DOCK7: variants seen among roughly 807,000 people sequenced by gnomAD.
The protein encoded by DOCK7 is dedicator of cytokinesis protein 7.
In DOCK7, 138 loss-of-function variants were observed where a neutral mutation model predicts 271.0. The observed-to-expected ratio is 0.51, with a 90% confidence interval of 0.44 to 0.59. The LOEUF (loss-of-function observed/expected upper bound fraction) is 0.59. DOCK7 is among the 20% of genes least tolerant of loss of function. The pLI is 0.00. For synonymous variants in DOCK7, 823 were observed against 876.1 expected, an observed-to-expected ratio of 0.94 and a Z score of 1.07; for missense variants, 2,066 against 2,592.4, an observed-to-expected ratio of 0.80 and a Z score of 4.41.
chr1:62,562,911 C>A (rs139111721), intron 18 of DOCK7, among the ~76,000 whole-genome samples: 1,698 of 152,258 alleles, frequency 0.011, 39 homozygotes, highest in African/African-American at 0.039. Context: ...CCTCCCTACA[C>A]TGAATGGAGA....
chr1:62,643,644 T>C (rs548812088), intron 7 of DOCK7, among the ~76,000 whole-genome samples: 1 of 152,284 alleles, frequency 6.6e-6, no homozygotes, highest in South Asian at 2.1e-4. Flanking sequence ...ACATCCAGAA[T>C]TGAGAGTTAC....
At position 62,631,557 on chromosome 1, in the gene DOCK7, G is replaced by A. The variant is rs1048710409; in HGVS notation, c.1117-152C>T. 4 of 632,660 alleles carry A rather than the reference G, an allele frequency of 6.3e-6. No homozygotes were observed. In the East Asian group the frequency reaches 1.2e-4, roughly 19 times the overall value. 39.2% of individuals were successfully genotyped at this position (632,660 alleles called of 1,614,324 possible). A position where few individuals can be genotyped will look rare whatever the true frequency, so the allele number is the denominator to read the frequency against. ...TACCTTACAGAGATGAAGTATTAGT[G>A]CAATATCTTAACCAGTGAACAAACT... is the stretch of plus-strand genomic sequence containing the variant. On this transcript the variant is annotated intron_variant, in intron 10 of 49. Coordinates refer to ENST00000635253, the MANE Select transcript of DOCK7 (RefSeq NM_001367561.1).
chr1:62,662,502 C>T (rs1364145219), intron 2 of DOCK7, among the ~76,000 whole-genome samples: 1 of 152,160 alleles, frequency 6.6e-6, no homozygotes, highest in Non-Finnish European at 1.5e-5. Flanking sequence ...GTGGCTCACA[C>T]CTGTAATCCC....
chr1:62,633,050 T>C (rs1654817322), intron 10 of DOCK7, among the ~76,000 whole-genome samples: 1 of 152,128 alleles, frequency 6.6e-6, no homozygotes, highest in Admixed American at 6.5e-5. Flanking sequence ...TTAAAGACTA[T>C]TATATTTTTA....
In DOCK7 at chr1:62,475,348, T is replaced by A. The variant is rs1165209231; in HGVS notation, c.5965A>T (p.Ile1989Phe). ...ATAGCAACTTCAATTGGTGTTAAGA[T>A]GATCTGAGTAAAAGAGCATCTGTTA... ...RVNVTHKEEIILTPIEVAIED... is the reference protein window; with the variant it reads ...RVNVTHKEEIFLTPIEVAIED... Residue 1989 changes from isoleucine to phenylalanine, a missense_variant, in exon 47 of 50, where the codon ATC becomes TTC. Around this residue, in one of 2 missense-constraint regions of DOCK7, gnomAD observed 652 missense variants for 922.1 expected, o/e 0.71. Transcript: ENST00000635253. The A allele has an allele frequency of 6.2e-7, 1 of 1,613,722 alleles. No individual in the cohort carries two copies. The highest frequency in any genetic ancestry group is 1.3e-5 in the African/African-American group (1 of 74,898).
chr1:62,591,715 A>G (rs138342468), intron 14 of DOCK7, among the ~76,000 whole-genome samples: 11 of 152,290 alleles, frequency 7.2e-5, no homozygotes, highest in African/African-American at 2.6e-4. Context: ...GGGCATGGAC[A>G]TGACTGGCTA....
chr1:62,625,125 A>T (rs1653777474), intron 12 of DOCK7, 134 bp downstream of exon 12: 1 of 683,282 alleles, frequency 1.5e-6, no homozygotes, highest in African/African-American at 1.8e-5. Flanking sequence ...TGCTTTTATT[A>T]TTTTTATTCT....
intron 1 of DOCK7, among the ~76,000 whole-genome samples, chr1:62,678,876 C>T (rs1032696812): frequency 4.6e-5 from 7 of 152,014 alleles, no homozygotes; most frequent in Non-Finnish European, 8.8e-5. Context: ...TTTCAATGTA[C>T]ATTTTAAAAA....
At position 62,537,871 on chromosome 1, in the gene DOCK7, T is replaced by C; in HGVS notation, c.3471+20A>G. On this transcript the variant is annotated intron_variant, in intron 28 of 49. Coordinates refer to ENST00000635253, the MANE Select transcript of DOCK7 (RefSeq NM_001367561.1). The stretch of plus-strand genomic sequence containing the variant: ...ACAAAAGTGACTTTAAATATATGTA[T>C]ATTCACACAATTTGCATACCTGAGA... The C allele has an allele frequency of 6.2e-7, 1 of 1,604,134 alleles. No individual in the cohort carries two copies. Among genetic ancestry groups the C allele is most frequent in the Non-Finnish European group, 8.5e-7 (1 of 1,172,588 alleles).
At chr1:62,521,957 T>TA (rs1644866069) in intron 31 of DOCK7, among the ~76,000 whole-genome samples, 1 of 151,978 alleles carries the variant, frequency 6.6e-6, no homozygotes, top group South Asian at 2.1e-4. Context: ...GCCTGTGTGA[T>TA]ACAGCGAGAT....
chr1:62,518,694 T>C (rs1644750347), intron 31 of DOCK7, among the ~76,000 whole-genome samples: 1 of 151,746 alleles, frequency 6.6e-6, no homozygotes, highest in Admixed American at 6.6e-5. Context: ...TAGCCAAGAC[T>C]GCACCACTGC....
intron 48 of DOCK7, chr1:62,458,457 T>TA (rs1298563992): frequency 6.6e-6 from 1 of 152,084 alleles, no homozygotes; most frequent in Non-Finnish European, 1.5e-5. Flanking sequence ...TTCAGGGATG[T>TA]AATCATGCTC....
At chr1:62,469,708 A>C (rs1422871207) in intron 48 of DOCK7, among the ~76,000 whole-genome samples, 1 of 152,220 alleles carries the variant, frequency 6.6e-6, no homozygotes, top group Non-Finnish European at 1.5e-5. Context: ...GAACTCAAAC[A>C]AATTAGCAAG....
intron 22 of DOCK7, among the ~76,000 whole-genome samples, chr1:62,550,875 C>G (rs942378773): frequency 6.6e-6 from 1 of 152,008 alleles, no homozygotes; most frequent in African/African-American, 2.4e-5. Context: ...CATCTGCCGC[C>G]GTGCCTGGCT....
chr1:62,614,707 T>A (rs1482802774), intron 14 of DOCK7, among the ~76,000 whole-genome samples: 1 of 151,974 alleles, frequency 6.6e-6, no homozygotes, highest in Admixed American at 6.6e-5. Context: ...CCCCATAGAT[T>A]TCTAAGATAT....
intron 48 of DOCK7, among the ~76,000 whole-genome samples, chr1:62,461,677 T>TCAATAAAATA (rs1645531580): frequency 2.2e-5 from 3 of 134,914 alleles, no homozygotes; most frequent in Non-Finnish European, 3.1e-5. Context: ...TCTCAAAAAA[T>TCAATAAAATA]AAATAAAATA....
At chr1:62,480,628 T>C (rs1383896986) in intron 43 of DOCK7, among the ~76,000 whole-genome samples, 1 of 152,162 alleles carries the variant, frequency 6.6e-6, no homozygotes, top group Non-Finnish European at 1.5e-5. Flanking sequence ...GGAAGGCAGA[T>C]ACAAATATTA....
intron 37 of DOCK7, among the ~76,000 whole-genome samples, chr1:62,497,453 C>T (rs1646655976): frequency 1.3e-5 from 2 of 152,140 alleles, no homozygotes; most frequent in South Asian, 4.1e-4. Flanking sequence ...AAAATACCTT[C>T]TCTCCCTATT....
chr1:62,589,622 T>C (rs1030274324), intron 14 of DOCK7, among the ~76,000 whole-genome samples: 5 of 151,266 alleles, frequency 3.3e-5, no homozygotes, highest in Non-Finnish European at 7.4e-5. Flanking sequence ...GAGAAATGCT[T>C]CCAACAAAAA....
Sources: gnomAD v4.1 joint callset for allele counts (sites outside exome capture counted in the v4.1 genomes callset) on GRCh38, gnomAD v4.1.1 for gene constraint, gnomAD v4.1.1 regional missense constraint, MANE v1.5 for transcripts, NCBI Gene and HGNC (gene_info 2026-07-23, HGNC 2026-07-21) for gene names.